The following TMEM132C variants were observed in gnomAD, a reference collection of about 807,000 sequenced individuals.
TMEM132C encodes protein phosphatase 1, regulatory subunit 152.
A neutral mutation model predicts 61.4 loss-of-function variants in TMEM132C; 29 were observed. The observed-to-expected ratio is 0.47, with a 90% CI of 0.35 to 0.64. The LOEUF (loss-of-function observed/expected upper bound fraction) is 0.64. Among genes scored for constraint, TMEM132C ranks in the 30% least tolerant of loss-of-function variants. The probability of loss-of-function intolerance (pLI) is 0.00; values close to 1 mark genes in which losing one functional copy is unlikely to be tolerated. For missense variants in TMEM132C, 1,408 were observed against 1,476.9 expected (o/e 0.95, Z 0.76); for synonymous variants, 656 against 633.1 (o/e 1.04, Z -0.54).
chr12:128,690,888 C>T (rs558554246), intron 5 of TMEM132C, among the ~76,000 whole-genome samples: 2 of 152,290 alleles, frequency 1.3e-5, no homozygotes, highest in African/African-American at 4.8e-5. Context: ...CCTCTCCAAA[C>T]AGAAGTGCAA....
chr12:128,385,062 C>T (rs894328710), intron 1 of TMEM132C, among the ~76,000 whole-genome samples: 1 of 152,140 alleles, frequency 6.6e-6, no homozygotes, highest in African/African-American at 2.4e-5. Context: ...TTTGCAGATT[C>T]GGATGGCAAC....
intron 1 of TMEM132C, among the ~76,000 whole-genome samples, chr12:128,365,444 A>T (rs1249487932): frequency 1.3e-5 from 2 of 152,216 alleles, no homozygotes; most frequent in East Asian, 3.8e-4. Flanking sequence ...GTTCTATTAT[A>T]GTTCTAATAT....
rs10654008 is a variant in TMEM132C, at chr12:128,489,562, C to CATATATATATATATATATATAT, written c.975-54375_975-54374insATATATATATATATATATATAT. Among the ~76,000 whole-genome samples the CATATATATATATATATATATAT allele has an allele frequency of 2.2e-3, 305 of 138,326 alleles. 1 individual carries two copies. Among genetic ancestry groups the CATATATATATATATATATATAT allele is most frequent in the South Asian group, 0.01 (43 of 4,210 alleles). 90.7% of individuals were successfully genotyped at this position (138,326 alleles called of 152,430 possible). ...CCTCCATTATATATTTTTATATGCTCATATATATATATATATATATTCTGT... is the reference window on the plus strand; with the variant it reads ...CCTCCATTATATATTTTTATATGCTCATATATATATATATATATATATATATATATATATATATATATTCTGT... On this transcript the variant is annotated intron_variant, in intron 2 of 8. Coordinates refer to ENST00000435159, the MANE Select transcript of TMEM132C (RefSeq NM_001136103.3).
chr12:128,377,107 T>A (rs1393822490), intron 1 of TMEM132C, among the ~76,000 whole-genome samples: 1 of 151,650 alleles, frequency 6.6e-6, no homozygotes. Context: ...CAGGCTGGAG[T>A]GCAGTGGTGT....
intron 2 of TMEM132C, among the ~76,000 whole-genome samples, chr12:128,495,778 CTT>C (rs1218092052): frequency 1.3e-5 from 2 of 151,960 alleles, no homozygotes; most frequent in Non-Finnish European, 2.9e-5. Context: ...GGTCTTGACT[CTT>C]TATCCAATTT....
chr12:128,425,169 G>A (rs4882759), intron 2 of TMEM132C, among the ~76,000 whole-genome samples: 136,011 of 152,130 alleles, frequency 0.89, 62,119 homozygotes, highest in East Asian at 1. Context: ...CCCTCAGGCC[G>A]CCCAGATCAA....
chr12:128,434,014 G>T (rs1164692959), intron 2 of TMEM132C, among the ~76,000 whole-genome samples: 2 of 152,224 alleles, frequency 1.3e-5, no homozygotes, highest in Non-Finnish European at 2.9e-5. Flanking sequence ...TATGTTCCTG[G>T]ATAGCAACAC....
At chr12:128,395,130 C>G (rs1874902281) in intron 1 of TMEM132C, among the ~76,000 whole-genome samples, 1 of 150,842 alleles carries the variant, frequency 6.6e-6, no homozygotes, top group Non-Finnish European at 1.5e-5. Context: ...GTTATTGTAA[C>G]ATAATTATTA....
intron 1 of TMEM132C, among the ~76,000 whole-genome samples, chr12:128,289,619 C>T (rs1871194414): frequency 6.6e-6 from 1 of 152,234 alleles, no homozygotes; most frequent in African/African-American, 2.4e-5. Flanking sequence ...TTAACGTCCC[C>T]ATCTTCAAAG....
intron 1 of TMEM132C, among the ~76,000 whole-genome samples, chr12:128,350,771 A>T (rs1049792416): frequency 6.6e-6 from 1 of 152,120 alleles, no homozygotes; most frequent in Non-Finnish European, 1.5e-5. Flanking sequence ...ACCCAGAATA[A>T]CGACTGCCCT....
At chr12:128,363,862 AAG>A (rs1873780366) in intron 1 of TMEM132C, among the ~76,000 whole-genome samples, 1 of 151,318 alleles carries the variant, frequency 6.6e-6, no homozygotes, top group African/African-American at 2.4e-5. Context: ...AAAAAAAAAA[AAG>A]AAGATGGGGT....
At chr12:128,528,786 T>TA (rs1277218698) in intron 2 of TMEM132C, among the ~76,000 whole-genome samples, 17 of 152,192 alleles carry the variant, frequency 1.1e-4, no homozygotes, top group Admixed American at 1.1e-3. Flanking sequence ...GAACACTGCT[T>TA]AGACCATGGC....
intron 4 of TMEM132C, among the ~76,000 whole-genome samples, chr12:128,622,400 T>TATATAA (rs1349334213): frequency 8.5e-6 from 1 of 117,326 alleles, no homozygotes; most frequent in African/African-American, 3.1e-5. Flanking sequence ...TATATATATA[T>TATATAA]AACCAGGAAA....
intron 5 of TMEM132C, among the ~76,000 whole-genome samples, chr12:128,689,165 A>G (rs886931232): frequency 2.6e-5 from 4 of 152,070 alleles, no homozygotes; most frequent in African/African-American, 9.7e-5. Context: ...GTAAATTGAC[A>G]GATTATAATT....
chr12:128,392,896 C>T (rs939686291), intron 1 of TMEM132C, among the ~76,000 whole-genome samples: 6 of 152,070 alleles, frequency 3.9e-5, no homozygotes, highest in African/African-American at 9.7e-5. Context: ...GCCTGCAGGC[C>T]GTGGGTTGGA....
intron 2 of TMEM132C, among the ~76,000 whole-genome samples, chr12:128,437,135 G>A (rs1276709820): frequency 1.3e-5 from 2 of 152,058 alleles, no homozygotes; most frequent in African/African-American, 2.4e-5. Flanking sequence ...ATCACACACT[G>A]GGGCATGTCA....
rs1872338487 is a variant in TMEM132C, at chr12:128,505,838, G to A, written c.975-38119G>A. Among the ~76,000 whole-genome samples the A allele has an allele frequency of 2.6e-5, 4 of 152,112 alleles. No individual in the cohort carries two copies. The South Asian group carries it at 8.3e-4, about 32-fold the overall frequency. ...ATCTCAGGGCTTGGCCTCCCTCCTG[G>A]AAGACAGCTCTGAGGAGGGAGGTCA... On this transcript the variant is annotated intron_variant, in intron 2 of 8. Coordinates refer to ENST00000435159, the MANE Select transcript of TMEM132C (RefSeq NM_001136103.3).
intron 4 of TMEM132C, among the ~76,000 whole-genome samples, chr12:128,668,682 G>C (rs1208289933): frequency 1.3e-5 from 2 of 152,162 alleles, no homozygotes; most frequent in Non-Finnish European, 2.9e-5. Flanking sequence ...TCTGAAGTGA[G>C]TCTTAAGGGG....
rs11059679 is a variant in TMEM132C at position 128,407,384 on chromosome 12, T to C, written c.86-7348T>C. Among the ~76,000 whole-genome samples, 329 of 152,346 alleles carry C rather than the reference T, an allele frequency of 2.2e-3. 2 individuals are homozygous for C. Among genetic ancestry groups the C allele is most frequent in the Middle Eastern group, 6.8e-3 (2 of 294 alleles). ...TTACCCAGTCTCGGGTATTTCTTCATAGCAGTATGAAAGTGGACTAATCAT... is the reference window on the plus strand; with the variant it reads ...TTACCCAGTCTCGGGTATTTCTTCACAGCAGTATGAAAGTGGACTAATCAT... On this transcript the variant is annotated intron_variant, in intron 1 of 8. Transcript: ENST00000435159.
Sources: allele counts gnomAD v4.1 joint callset (sites outside exome capture counted in the v4.1 genomes callset), GRCh38; gene constraint gnomAD v4.1.1; transcripts MANE v1.5; gene names NCBI Gene and HGNC (gene_info 2026-07-23, HGNC 2026-07-21).